The following SHOC2 variants were observed in gnomAD, a reference collection of about 807,000 sequenced individuals.
SHOC2 encodes leucine-rich repeat protein SHOC-2.
Under a neutral mutation model 50.2 loss-of-function variants are expected in SHOC2, and 4 were observed. The ratio of observed to expected loss-of-function variants is 0.08; its 90% confidence interval spans 0.04 to 0.18. The LOEUF (loss-of-function observed/expected upper bound fraction) is 0.18. Ranked by LOEUF, SHOC2 falls within the 10% of genes least tolerant of loss-of-function variation. The pLI, the probability that SHOC2 is intolerant of heterozygous loss-of-function variation, is 1.00. For synonymous variants in SHOC2, 218 were observed against 244.5 expected (o/e 0.89, Z 1.01); for missense variants, 388 against 669.6 (o/e 0.58, Z 4.64).
intron 1 of SHOC2, among the ~76,000 whole-genome samples, chr10:110,944,937 T>C (rs564716823): frequency 3.9e-5 from 6 of 152,366 alleles, no homozygotes; most frequent in South Asian, 4.1e-4. Flanking sequence ...TGCCTTGTCC[T>C]TATGTCCTGC....
chr10:110,989,137 A>G, intron 3 of SHOC2: 1 of 455,658 alleles, frequency 2.2e-6, no homozygotes. Flanking sequence ...TGGTAAAAGT[A>G]TTCCATGTGC....
At chr10:110,929,774 A>C (rs1015861241) in intron 1 of SHOC2, among the ~76,000 whole-genome samples, 1 of 152,214 alleles carries the variant, frequency 6.6e-6, no homozygotes, top group African/African-American at 2.4e-5. Flanking sequence ...CCCATCTTCA[A>C]ATACCATCAC....
At chr10:110,920,538 T>C (rs1448037043) in intron 1 of SHOC2, among the ~76,000 whole-genome samples, 1 of 152,218 alleles carries the variant, frequency 6.6e-6, no homozygotes, top group Non-Finnish European at 1.5e-5. Flanking sequence ...TTTCTTTTTC[T>C]TTTCTTCCTT....
chr10:110,970,757 A>G (rs1452434888), intron 2 of SHOC2, among the ~76,000 whole-genome samples: 1 of 145,922 alleles, frequency 6.9e-6, no homozygotes, highest in Non-Finnish European at 1.5e-5. Flanking sequence ...CATTTTGATG[A>G]TAGCCATTCC....
At chr10:111,004,509 C>T in intron 4 of SHOC2, 97 bp from the exon 5 acceptor site, 1 of 853,056 alleles carries the variant, frequency 1.2e-6, no homozygotes, top group Non-Finnish European at 2.0e-6. Flanking sequence ...TGTCACCCCC[C>T]AAAGCCCTTT....
Position 110,950,285 on chromosome 10 carries a change from C to T in SHOC2, c.-234-13840C>T, listed in dbSNP as rs1003296799. On this transcript the variant is annotated intron_variant, in intron 1 of 8. Transcript: ENST00000369452. ...GAAGTTAAGAAAACAATCCCCTGTA[C>T]AGTAGCATAAAAATAAAAAGGAATA... Among the ~76,000 whole-genome samples the T allele has an allele frequency of 3.3e-5, 5 of 151,900 alleles. No homozygotes were observed. In the East Asian group the frequency reaches 9.7e-4, roughly 29 times the overall value.
intron 1 of SHOC2, among the ~76,000 whole-genome samples, chr10:110,953,462 T>C (rs1379468528): frequency 6.6e-6 from 1 of 152,198 alleles, no homozygotes; most frequent in Non-Finnish European, 1.5e-5. Context: ...TTTTGTGGCT[T>C]GATAGCTTAT....
chr10:111,007,029 T>C (rs932500157), intron 5 of SHOC2, among the ~76,000 whole-genome samples: 1 of 152,224 alleles, frequency 6.6e-6, no homozygotes, highest in East Asian at 1.9e-4. Flanking sequence ...ATTAGTGTTT[T>C]AATGATTTAA....
intron 1 of SHOC2, among the ~76,000 whole-genome samples, chr10:110,961,931 A>G (rs1847579666): frequency 6.6e-6 from 1 of 151,948 alleles, no homozygotes; most frequent in Non-Finnish European, 1.5e-5. Context: ...TGTTTCCCGA[A>G]CTTGATAAGC....
intron 3 of SHOC2, among the ~76,000 whole-genome samples, chr10:110,990,019 A>G (rs1848151784): frequency 6.6e-6 from 1 of 152,280 alleles, no homozygotes; most frequent in South Asian, 2.1e-4. Flanking sequence ...GAAAAGAAAG[A>G]ATAATGCATA....
intron 2 of SHOC2, among the ~76,000 whole-genome samples, chr10:110,967,045 G>T (rs900150324): frequency 2.5e-4 from 38 of 152,084 alleles, no homozygotes; most frequent in Admixed American, 1.6e-3. Context: ...GAAAATAAAG[G>T]TTAGTAAAAA....
intron 2 of SHOC2, among the ~76,000 whole-genome samples, chr10:110,970,534 C>T (rs1328712008): frequency 4.0e-5 from 6 of 151,890 alleles, no homozygotes; most frequent in Non-Finnish European, 8.8e-5. Context: ...ATTTCCTTTC[C>T]TTTGGATATA....
At chr10:110,961,787 A>G (rs1411891687) in intron 1 of SHOC2, among the ~76,000 whole-genome samples, 2 of 152,146 alleles carry the variant, frequency 1.3e-5, no homozygotes, top group Admixed American at 6.6e-5. Context: ...CTTTATTAAT[A>G]ACTTATATTT....
intron 1 of SHOC2, chr10:110,937,071 A>G: frequency 4.7e-6 from 7 of 1,479,574 alleles, no homozygotes; most frequent in Non-Finnish European, 6.6e-6. Context: ...AGGAAAGCCA[A>G]GTACTTCAAC....
chr10:110,935,809 T>C (rs894034084), intron 1 of SHOC2, among the ~76,000 whole-genome samples: 1 of 152,210 alleles, frequency 6.6e-6, no homozygotes, highest in Admixed American at 6.5e-5. Flanking sequence ...TTCCTCAGTC[T>C]ATTTACTCTC....
At chr10:110,977,524 C>T (rs1270931602) in intron 2 of SHOC2, among the ~76,000 whole-genome samples, 3 of 152,160 alleles carry the variant, frequency 2.0e-5, no homozygotes, top group Non-Finnish European at 2.9e-5. Flanking sequence ...GGATTACAGG[C>T]GTGAGCCACC....
At chr10:110,942,225 G>A (rs1033160717) in intron 1 of SHOC2, among the ~76,000 whole-genome samples, 28 of 152,134 alleles carry the variant, frequency 1.8e-4, no homozygotes, top group East Asian at 7.7e-4. Context: ...CACTGATTTC[G>A]TCAGGAAGGT....
chr10:110,981,239 G>C (rs1360678929), intron 2 of SHOC2, among the ~76,000 whole-genome samples: 2 of 152,204 alleles, frequency 1.3e-5, no homozygotes, highest in East Asian at 3.8e-4. Flanking sequence ...TTTACGAATT[G>C]TAAGTTTCAT....
chr10:110,997,668 G>C (rs930792157), intron 3 of SHOC2, among the ~76,000 whole-genome samples: 9 of 152,038 alleles, frequency 5.9e-5, no homozygotes, highest in African/African-American at 2.2e-4. Flanking sequence ...CATCTATTAT[G>C]TATCTGTTAG....
Sources: gnomAD v4.1 joint callset for allele counts (sites outside exome capture counted in the v4.1 genomes callset) on GRCh38, gnomAD v4.1.1 for gene constraint, MANE v1.5 for transcripts, NCBI Gene and HGNC (gene_info 2026-07-23, HGNC 2026-07-21) for gene names.